TENM3: variants seen among roughly 807,000 people sequenced by gnomAD.
The protein encoded by TENM3 is teneurin transmembrane protein 3.
In TENM3, 63 loss-of-function variants were observed where a neutral mutation model predicts 255.1. The observed-to-expected ratio is 0.25, with a 90% CI of 0.20 to 0.30. TENM3 has a LOEUF of 0.30. TENM3 is among the 10% of genes least tolerant of loss of function. The pLI is 1.00. For synonymous variants in TENM3, 1,306 were observed against 1,322.3 expected (o/e 0.99, Z 0.27); for missense variants, 2,929 against 3,461.1 (o/e 0.85, Z 3.86).
At chr4:182,670,906 A>G (rs1033982462) in intron 6 of TENM3, among the ~76,000 whole-genome samples, 1 of 152,334 alleles carries the variant, frequency 6.6e-6, no homozygotes, top group East Asian at 1.9e-4. Flanking sequence ...TTTGAAAAAC[A>G]TACCATAAAT....
chr4:181,513,533 A>G, the TENM3 span, among the ~76,000 whole-genome samples: 1 of 152,222 alleles, frequency 6.6e-6, no homozygotes, highest in East Asian at 1.9e-4. Flanking sequence ...ACCATAAAAT[A>G]TATAAAGAAA....
chr4:181,705,054 A>AAC, the TENM3 span, among the ~76,000 whole-genome samples: 29 of 29,792 alleles, frequency 9.7e-4, no homozygotes, highest in Middle Eastern at 0.016. Context: ...AACAAAACAA[A>AAC]AAAAAAAAAA....
the TENM3 span, among the ~76,000 whole-genome samples, chr4:182,095,727 G>A: frequency 6.6e-6 from 1 of 150,854 alleles, no homozygotes; most frequent in African/African-American, 2.4e-5. Flanking sequence ...GAATTGAAAA[G>A]TTCCTAAAAC....
At chr4:181,746,830 T>C in the TENM3 span, among the ~76,000 whole-genome samples, 3 of 152,088 alleles carry the variant, frequency 2.0e-5, no homozygotes, top group African/African-American at 7.2e-5. Flanking sequence ...TTTTGATGTA[T>C]ATTATTAGCT....
the TENM3 span, among the ~76,000 whole-genome samples, chr4:181,998,418 C>T: frequency 1.1e-4 from 17 of 152,274 alleles, no homozygotes; most frequent in East Asian, 2.7e-3. Context: ...TACCTAAACC[C>T]GTCTTTTACT....
the TENM3 span, among the ~76,000 whole-genome samples, chr4:181,450,952 A>C: frequency 3.0e-4 from 46 of 152,200 alleles, no homozygotes; most frequent in African/African-American, 1.1e-3. Flanking sequence ...CTCAGGTTAC[A>C]CATATTTATA....
At chr4:182,439,201 G>A (rs1772268933) in intron 3 of TENM3, among the ~76,000 whole-genome samples, 1 of 152,198 alleles carries the variant, frequency 6.6e-6, no homozygotes. Context: ...CCCAGGACTA[G>A]ACAGTAATTG....
chr4:181,918,466 G>T, the TENM3 span, among the ~76,000 whole-genome samples: 2 of 152,024 alleles, frequency 1.3e-5, no homozygotes, highest in South Asian at 4.2e-4. Flanking sequence ...TTTTTTAAAC[G>T]AAAGAACAGT....
chr4:182,157,395 A>T (rs1750787756), intron 1 of TENM3, among the ~76,000 whole-genome samples: 1 of 152,006 alleles, frequency 6.6e-6, no homozygotes, highest in Admixed American at 6.6e-5. Flanking sequence ...GCCCACAAAA[A>T]CCCCCTGTGA....
chr4:182,042,783 T>C, the TENM3 span, among the ~76,000 whole-genome samples: 1 of 152,154 alleles, frequency 6.6e-6, no homozygotes, highest in Admixed American at 6.6e-5. Context: ...ATCTTAACAG[T>C]CTATGACAAC....
chr4:182,485,562 T>G (rs1352353669), intron 3 of TENM3, among the ~76,000 whole-genome samples: 1 of 152,154 alleles, frequency 6.6e-6, no homozygotes, highest in African/African-American at 2.4e-5. Flanking sequence ...AAATACATAC[T>G]GGAGTCTCAC....
chr4:181,578,521 A>T, the TENM3 span, among the ~76,000 whole-genome samples: 2 of 152,196 alleles, frequency 1.3e-5, no homozygotes, highest in African/African-American at 4.8e-5. Context: ...GGCACTGCTC[A>T]GCAGCAGGGA....
the TENM3 span, among the ~76,000 whole-genome samples, chr4:181,792,092 G>T: frequency 1.3e-5 from 2 of 152,106 alleles, no homozygotes; most frequent in Non-Finnish European, 2.9e-5. Flanking sequence ...CATTCAAATA[G>T]TATCAAGTCT....
the TENM3 span, among the ~76,000 whole-genome samples, chr4:182,055,244 G>T: frequency 1.3e-5 from 2 of 152,180 alleles, no homozygotes; most frequent in East Asian, 3.9e-4. Context: ...CTACTCAGGA[G>T]GCTAAGGCAG....
the TENM3 span, among the ~76,000 whole-genome samples, chr4:181,964,067 A>AT: frequency 0.07 from 9,712 of 138,862 alleles, 482 homozygotes; most frequent in African/African-American, 0.15. Context: ...TGACCTTCCG[A>AT]TTTTTTTTTT....
intron 4 of TENM3, among the ~76,000 whole-genome samples, chr4:182,624,611 C>T (rs973952955): frequency 6.6e-6 from 1 of 152,148 alleles, no homozygotes; most frequent in Non-Finnish European, 1.5e-5. Flanking sequence ...GGACATGTTC[C>T]CCTTTCTGGA....
At position 182,412,910 on chromosome 4, in the gene TENM3, A is replaced by G. The variant is rs569741405; in HGVS notation, c.511+65981A>G. ...GAAATTATGAAAACAAATGAAACAA[A>G]TACAGAATATATAATAAAGTACTAC... On this transcript the variant is annotated intron_variant, in intron 3 of 27. Transcript: ENST00000511685. Among the ~76,000 whole-genome samples, 4 of 152,006 alleles carry G rather than the reference A, an allele frequency of 2.6e-5. No individual in the cohort carries two copies. In the South Asian group the frequency reaches 8.3e-4, roughly 32 times the overall value.
chr4:182,712,369 G>A (rs1758807904), intron 12 of TENM3, among the ~76,000 whole-genome samples: 1 of 150,830 alleles, frequency 6.6e-6, no homozygotes, highest in Non-Finnish European at 1.5e-5. Flanking sequence ...CAACTCCTAC[G>A]TGCAGTCAGT....
At chr4:181,633,679 A>G in the TENM3 span, among the ~76,000 whole-genome samples, 2 of 152,148 alleles carry the variant, frequency 1.3e-5, no homozygotes, top group Non-Finnish European at 2.9e-5. Context: ...GGTTCTATAG[A>G]CTCAGAACTG....
Sources: gnomAD v4.1 joint callset for allele counts (sites outside exome capture counted in the v4.1 genomes callset) on GRCh38, gnomAD v4.1.1 for gene constraint, MANE v1.5 for transcripts, NCBI Gene and HGNC (gene_info 2026-07-23, HGNC 2026-07-21) for gene names.